The following CCDC7 variants were observed in gnomAD, a reference collection of about 807,000 sequenced individuals.
CCDC7 encodes coiled-coil domain containing 7, also known as coiled-coil domain-containing protein 7.
CCDC7 carries 183 observed loss-of-function variants against 196.9 expected under a neutral mutation model. That is an observed-to-expected ratio of 0.93 (90% CI 0.82 to 1.05). The LOEUF is 1.05. CCDC7 is among the 50% of genes least tolerant of loss of function. The probability of loss-of-function intolerance (pLI) is 0.00; values close to 1 mark genes in which losing one functional copy is unlikely to be tolerated. For synonymous variants in CCDC7, 525 were observed against 484.6 expected (o/e 1.08, Z -1.10); for missense variants, 1,540 against 1,482.2 (o/e 1.04, Z -0.64).
chr10:32,775,206 G>A (rs2079814784), intron 28 of CCDC7, among the ~76,000 whole-genome samples: 2 of 152,094 alleles, frequency 1.3e-5, no homozygotes, highest in African/African-American at 4.8e-5. Context: ...ACTGTTATAG[G>A]TTCAAGACAG....
chr10:32,664,070 AG>A lies in CCDC7; in HGVS notation c.2032del (p.Glu678LysfsTer16), dbSNP rs1324878207. ...TTTGTGTAGCTCATAATGATGTACC[AG>A]AAGAAAATCTTATGCTTGAACAAGA... On this transcript the variant is annotated frameshift_variant, in exon 21 of 42. Transcript: ENST00000639629. LOFTEE classifies it high-confidence loss of function. 1 of 396,562 alleles carries A rather than the reference AG, an allele frequency of 2.5e-6. No individual in the cohort carries two copies. The highest frequency in any genetic ancestry group is 4.4e-5 in the Admixed American group (1 of 22,648). The allele number at this position is 396,562 out of a possible 1,614,324, so 24.6% of individuals were successfully genotyped here.
At position 32,873,439 on chromosome 10, in the gene CCDC7, AT is replaced by A. The variant is rs1490794790; in HGVS notation, c.4112-2900del. 2.6e-5 allele frequency among the ~76,000 whole-genome samples: 4 copies of A among 151,364 alleles called. 1 individual carries two copies. Among genetic ancestry groups the A allele is most frequent in the East Asian group, 2.0e-4 (1 of 5,122 alleles). On this transcript the variant is annotated intron_variant, in intron 41 of 41. Coordinates refer to ENST00000639629, the Ensembl canonical transcript of CCDC7. Reference sequence around the variant, plus strand: ...GTTATTCTAGTTAGCCATTCATCTAATTTTTTTTCAAGGTTTTTAACTTCTT... The same window carrying A: ...GTTATTCTAGTTAGCCATTCATCTAATTTTTTTCAAGGTTTTTAACTTCTT...
At chr10:32,684,441 C>T (rs2076232577) in intron 21 of CCDC7, among the ~76,000 whole-genome samples, 2 of 151,946 alleles carry the variant, frequency 1.3e-5, no homozygotes, top group African/African-American at 4.8e-5. Context: ...GTATGTGTCC[C>T]CAGGGGCTCT....
intron 25 of CCDC7, among the ~76,000 whole-genome samples, chr10:32,726,173 T>C (rs546075570): frequency 1.3e-5 from 2 of 152,118 alleles, no homozygotes; most frequent in Admixed American, 6.6e-5. Context: ...GATATCCTGT[T>C]TTTAAGATTA....
In CCDC7 at chr10:32,517,976, G is replaced by A. The variant is rs1221128008; in HGVS notation, c.903+1G>A. 3 of 1,581,032 alleles carry A rather than the reference G, an allele frequency of 1.9e-6. No individual in the cohort carries two copies. The highest frequency in any genetic ancestry group is 4.7e-5 in the East Asian group (2 of 42,594). ...AAATGATCAAGTTTTGTTAGATGCT[G>A]TAAGTATAGTACTCTCAATTTGAAA... On this transcript the variant is annotated splice_donor_variant, in intron 10 of 41. Transcript: ENST00000639629. LOFTEE classifies it high-confidence loss of function.
exon 1 of CCDC7, chr10:32,451,811 C>T (rs1485844731): frequency 6.2e-7 from 1 of 1,614,142 alleles, no homozygotes; most frequent in Non-Finnish European, 8.5e-7. Flanking sequence ...AAGATCTCCA[C>T]CAACAGGAGA....
intron 20 of CCDC7, among the ~76,000 whole-genome samples, chr10:32,636,435 G>A (rs1174244011): frequency 1.3e-5 from 2 of 151,860 alleles, no homozygotes; most frequent in African/African-American, 4.8e-5. Flanking sequence ...GTGTCCATGT[G>A]TTCTCACTGT....
intron 20 of CCDC7, among the ~76,000 whole-genome samples, chr10:32,639,108 C>G (rs1385934560): frequency 1.3e-5 from 2 of 151,826 alleles, no homozygotes; most frequent in African/African-American, 4.8e-5. Flanking sequence ...GCTTCTATTT[C>G]ATTCTTCTCT....
intron 20 of CCDC7, among the ~76,000 whole-genome samples, chr10:32,652,468 T>G (rs748252141): frequency 2.2e-4 from 34 of 152,296 alleles, no homozygotes; most frequent in Admixed American, 7.2e-4. Flanking sequence ...ATTTTACTGT[T>G]GTTTTGTAAA....
intron 28 of CCDC7, among the ~76,000 whole-genome samples, chr10:32,754,709 G>A (rs765041506): frequency 6.6e-5 from 10 of 152,146 alleles, no homozygotes; most frequent in African/African-American, 1.7e-4. Context: ...CATGAGCAAC[G>A]CAGAAGATGG....
intron 13 of CCDC7, among the ~76,000 whole-genome samples, chr10:32,553,560 G>A (rs1246481058): frequency 6.6e-6 from 1 of 152,138 alleles, no homozygotes; most frequent in African/African-American, 2.4e-5. Context: ...TCTTAGGGAA[G>A]GTCTAGGGCT....
intron 20 of CCDC7, among the ~76,000 whole-genome samples, chr10:32,651,215 G>A (rs961631110): frequency 6.6e-6 from 1 of 152,170 alleles, no homozygotes; most frequent in African/African-American, 2.4e-5. Context: ...TTTGCAGTAA[G>A]ATTGAGCAGT....
At chr10:32,526,113 G>A (rs1357556568) in intron 11 of CCDC7, among the ~76,000 whole-genome samples, 1 of 152,228 alleles carries the variant, frequency 6.6e-6, no homozygotes, top group Non-Finnish European at 1.5e-5. Flanking sequence ...CTATGGCTAA[G>A]CTGGAACTCA....
At chr10:32,483,503 G>A (rs1211761156) in intron 8 of CCDC7, among the ~76,000 whole-genome samples, 10 of 152,224 alleles carry the variant, frequency 6.6e-5, no homozygotes, top group African/African-American at 1.4e-4. Context: ...AGTTTAATTC[G>A]ATCCCATTTG....
intron 20 of CCDC7, among the ~76,000 whole-genome samples, chr10:32,648,856 G>GT (rs1171306604): frequency 6.6e-6 from 1 of 152,030 alleles, no homozygotes; most frequent in Non-Finnish European, 1.5e-5. Flanking sequence ...TTTTTATGGT[G>GT]TTTTATGTCG....
At chr10:32,501,939 A>G (rs1589255329) in intron 9 of CCDC7, among the ~76,000 whole-genome samples, 1 of 152,206 alleles carries the variant, frequency 6.6e-6, no homozygotes, top group Non-Finnish European at 1.5e-5. Context: ...AGCTGTGCCC[A>G]CAGTCGCCCC....
rs910488242 is a variant in CCDC7 at position 32,606,285 on chromosome 10, G to A, written c.1801+21981G>A. On this transcript the variant is annotated intron_variant, in intron 18 of 41. Coordinates refer to ENST00000639629, the Ensembl canonical transcript of CCDC7. The stretch of plus-strand genomic sequence containing the variant: ...GAATATATGAGAAATCTTGGGTGCC[G>A]AGGCAGAATGCAAGGGCAGAGCCCT... Among the ~76,000 whole-genome samples the A allele has an allele frequency of 2.6e-5, 4 of 152,210 alleles. No individual in the cohort carries two copies. In the East Asian group the frequency reaches 7.7e-4, roughly 29 times the overall value.
Position 32,528,268 on chromosome 10 carries a change from T to A in CCDC7, c.993+9763T>A, listed in dbSNP as rs569776399. Among the ~76,000 whole-genome samples, 620 of 150,376 alleles carry A rather than the reference T, an allele frequency of 4.1e-3. 2 individuals carry two copies. The highest frequency in any genetic ancestry group is 0.01 in the Middle Eastern group (3 of 292). On this transcript the variant is annotated intron_variant, in intron 11 of 41. Transcript: ENST00000639629. ...ATATGTAGCACGTTTCTTTTTTTTT[T>A]AAATTGTAATAGGTTTTTGGGGAAC... is the stretch of plus-strand genomic sequence containing the variant.
chr10:32,834,508 G>T (rs1476923497), intron 32 of CCDC7, among the ~76,000 whole-genome samples: 1 of 152,082 alleles, frequency 6.6e-6, no homozygotes, highest in Non-Finnish European at 1.5e-5. Flanking sequence ...ATGGAAGAAA[G>T]CACTGGTTAA....
Sources: allele counts gnomAD v4.1 joint callset (sites outside exome capture counted in the v4.1 genomes callset), GRCh38; gene constraint gnomAD v4.1.1; transcripts MANE v1.5; gene names NCBI Gene and HGNC (gene_info 2026-07-23, HGNC 2026-07-21).